The following LINGO1 variants were observed in gnomAD, a reference collection of about 807,000 sequenced individuals.
LINGO1 encodes the protein leucine rich repeat and Ig domain containing 1, also known as leucine-rich repeat and immunoglobulin-like domain-containing nogo receptor-interacting protein 1.
A neutral mutation model predicts 37.3 loss-of-function variants in LINGO1; 11 were observed. The ratio of observed to expected loss-of-function variants is 0.29; its 90% CI spans 0.19 to 0.49. The LOEUF (loss-of-function observed/expected upper bound fraction) is 0.49. Ranked by LOEUF, LINGO1 falls within the 20% of genes least tolerant of loss-of-function variation. The pLI is 0.99. For missense variants in LINGO1, 585 were observed against 878.2 expected (o/e 0.67, Z 4.22); for synonymous variants, 387 against 403.0 (o/e 0.96, Z 0.48).
At chr15:77,806,899 T>A (rs756482850) in intron 1 of LINGO1, among the ~76,000 whole-genome samples, 5 of 152,110 alleles carry the variant, frequency 3.3e-5, no homozygotes, top group Non-Finnish European at 7.4e-5. Flanking sequence ...GCCAGAGGGA[T>A]CTTCCCTGCA....
chr15:77,626,001 T>C (rs1335912572), intron 1 of LINGO1, among the ~76,000 whole-genome samples: 1 of 152,154 alleles, frequency 6.6e-6, no homozygotes, highest in Non-Finnish European at 1.5e-5. Flanking sequence ...CCCACTTCAC[T>C]GATGAGGAAA....
intron 2 of LINGO1, among the ~76,000 whole-genome samples, chr15:77,792,063 C>G (rs548091922): frequency 1.4e-4 from 21 of 152,314 alleles, no homozygotes; most frequent in Non-Finnish European, 2.6e-4. Context: ...TCCAGCCCAG[C>G]TCTTCCCGCA....
chr15:77,731,139 C>G (rs1341497195), intron 2 of LINGO1, among the ~76,000 whole-genome samples: 2 of 152,198 alleles, frequency 1.3e-5, no homozygotes. Context: ...ACCCCTCCAT[C>G]CTGGCAGGCA....
intron 2 of LINGO1, among the ~76,000 whole-genome samples, chr15:77,681,598 T>C (rs2075414940): frequency 6.6e-6 from 1 of 152,206 alleles, no homozygotes; most frequent in Non-Finnish European, 1.5e-5. Context: ...CATGAATCGT[T>C]TTCCCTTGAA....
chr15:77,769,766 G>A (rs888643014), intron 1 of LINGO1, among the ~76,000 whole-genome samples: 1 of 152,170 alleles, frequency 6.6e-6, no homozygotes, highest in African/African-American at 2.4e-5. Context: ...GCATTCCCTG[G>A]AAAAGGAGAC....
intron 1 of LINGO1, among the ~76,000 whole-genome samples, chr15:77,762,345 TAC>T (rs2141385341): frequency 6.6e-6 from 1 of 152,278 alleles, no homozygotes; most frequent in South Asian, 2.1e-4. Flanking sequence ...AAGAGCAAAA[TAC>T]AGAGTCTCAT....
chr15:77,672,801 G>A (rs940354567), intron 3 of LINGO1, among the ~76,000 whole-genome samples: 11 of 152,154 alleles, frequency 7.2e-5, no homozygotes, highest in Admixed American at 5.9e-4. Flanking sequence ...TGTTGTCCCC[G>A]ACTTCCCTTT....
intron 1 of LINGO1, among the ~76,000 whole-genome samples, chr15:77,785,338 G>A (rs944843573): frequency 1.3e-5 from 2 of 152,168 alleles, no homozygotes; most frequent in Non-Finnish European, 2.9e-5. Flanking sequence ...CACAGGTGGG[G>A]TCCTGCCAGT....
chr15:77,639,074 A>G (rs922168256), upstream of LINGO1, among the ~76,000 whole-genome samples: 1 of 151,988 alleles, frequency 6.6e-6, no homozygotes, highest in African/African-American at 2.4e-5. Flanking sequence ...TCAACCCCCC[A>G]TGAGGCCCTG....
intron 1 of LINGO1, among the ~76,000 whole-genome samples, chr15:77,695,157 G>A (rs990158039): frequency 6.6e-6 from 1 of 152,170 alleles, no homozygotes; most frequent in Admixed American, 6.5e-5. Context: ...GAAACAGCTT[G>A]TAAGTGCTGG....
rs35031617 is a variant in LINGO1, at chr15:77,756,485, G to GACACAC, written c.-256-21438_-256-21433dup. 8.0e-3 allele frequency among the ~76,000 whole-genome samples: 1,131 copies of GACACAC among 140,778 alleles called. 17 individuals carry two copies. The highest frequency in any genetic ancestry group is 0.028 in the African/African-American group (1,026 of 36,196). 92.4% of individuals were successfully genotyped at this position (140,778 alleles called of 152,430 possible). On this transcript the variant is annotated intron_variant, in intron 1 of 3. Coordinates refer to the LINGO1 transcript ENST00000561686. ...ACTGACATACAATGACAGACAGACA[G>GACACAC]ACACACACACACACACACACACACA...
intron 1 of LINGO1, among the ~76,000 whole-genome samples, chr15:77,758,195 G>A (rs944956869): frequency 6.6e-6 from 1 of 152,164 alleles, no homozygotes; most frequent in Non-Finnish European, 1.5e-5. Flanking sequence ...AAAGGAAAAG[G>A]GGTCTTAGCC....
At chr15:77,671,853 C>T (rs2141206384) in intron 3 of LINGO1, among the ~76,000 whole-genome samples, 1 of 152,356 alleles carries the variant, frequency 6.6e-6, no homozygotes, top group South Asian at 2.1e-4. Flanking sequence ...CTATCTCCTC[C>T]TACGCCACAG....
rs888176263 is a variant in LINGO1 at position 77,819,210 on chromosome 15, C to T, written c.-458+1048G>A. On this transcript the variant is annotated intron_variant, in intron 1 of 5. Transcript: ENST00000562933. ...CCGCCGGCGGGCAGACACACCGGCT[C>T]CCCGGCCTGCGCCCCTGCGGCCCTG... 10 of 149,136 alleles carry T rather than the reference C, an allele frequency of 6.7e-5. No homozygotes were observed. The East Asian group carries it at 2.0e-3, about 30-fold the overall frequency. 9.2% of individuals were successfully genotyped at this position (149,136 alleles called of 1,614,324 possible).
chr15:77,634,761 C>T (rs867171761), upstream of LINGO1, among the ~76,000 whole-genome samples: 935 of 149,526 alleles, frequency 6.3e-3, 12 homozygotes, highest in African/African-American at 0.022. Context: ...GACTCCCCAG[C>T]CCCCCCACCC....
At chr15:77,816,752 G>C (rs890605913) in intron 1 of LINGO1, among the ~76,000 whole-genome samples, 1 of 152,152 alleles carries the variant, frequency 6.6e-6, no homozygotes. Flanking sequence ...CCATGGCTTG[G>C]GACCCCAAAT....
chr15:77,677,336 C>T (rs2075344831), intron 2 of LINGO1, among the ~76,000 whole-genome samples: 1 of 152,106 alleles, frequency 6.6e-6, no homozygotes, highest in African/African-American at 2.4e-5. Flanking sequence ...TCAGTGCCAT[C>T]CCTACCCACT....
At chr15:77,737,920 C>T (rs1401154271) in intron 1 of LINGO1, among the ~76,000 whole-genome samples, 2 of 152,110 alleles carry the variant, frequency 1.3e-5, no homozygotes, top group Non-Finnish European at 2.9e-5. Flanking sequence ...CCTGCTGTGC[C>T]CCCAGGTCCC....
intron 2 of LINGO1, among the ~76,000 whole-genome samples, chr15:77,716,280 C>CTTTTTTTTTTTTT (rs5813879): frequency 8.4e-6 from 1 of 119,266 alleles, no homozygotes; most frequent in Non-Finnish European, 1.7e-5. Context: ...TCTTCTTCTT[C>CTTTTTTTTTTTTT]TTTTTTTTTT....
Sources: gnomAD v4.1 joint callset for allele counts (sites outside exome capture counted in the v4.1 genomes callset) on GRCh38, gnomAD v4.1.1 for gene constraint, MANE v1.5 for transcripts, NCBI Gene and HGNC (gene_info 2026-07-23, HGNC 2026-07-21) for gene names.